CACNA1D: variants seen among roughly 807,000 people sequenced by gnomAD.
CACNA1D encodes the protein voltage-dependent L-type calcium channel subunit alpha-1D.
A neutral mutation model predicts 257.1 loss-of-function variants in CACNA1D; 55 were observed. The observed-to-expected ratio is 0.21, with a 90% CI of 0.17 to 0.27. The LOEUF is 0.27. CACNA1D is among the 10% of genes least tolerant of loss of function. The pLI, the probability that CACNA1D is intolerant of heterozygous loss-of-function variation, is 1.00. For missense variants in CACNA1D, 1,876 were observed against 2,784.0 expected (o/e 0.67, Z 7.34); for synonymous variants, 980 against 1,014.9 (o/e 0.97, Z 0.65).
chr3:53,520,094 T>A (rs1308984439), intron 3 of CACNA1D, among the ~76,000 whole-genome samples: 1 of 152,250 alleles, frequency 6.6e-6, no homozygotes, highest in Admixed American at 6.5e-5. Flanking sequence ...TTATGAATAA[T>A]GTTGCTGTGA....
At chr3:53,700,170 G>A (rs2094609940) in intron 8 of CACNA1D, among the ~76,000 whole-genome samples, 1 of 150,740 alleles carries the variant, frequency 6.6e-6, no homozygotes, top group South Asian at 2.1e-4. Context: ...ATGTCCTTAA[G>A]CTTCTCAGGG....
intron 40 of CACNA1D, among the ~76,000 whole-genome samples, chr3:53,787,724 C>T (rs1354163008): frequency 6.6e-6 from 1 of 151,858 alleles, no homozygotes; most frequent in African/African-American, 2.4e-5. Flanking sequence ...AAGGAAGGCA[C>T]CATGAGGACC....
intron 3 of CACNA1D, among the ~76,000 whole-genome samples, chr3:53,549,143 C>T (rs1407525703): frequency 1.3e-5 from 2 of 152,168 alleles, no homozygotes; most frequent in Non-Finnish European, 2.9e-5. Context: ...ATGCAGATGC[C>T]ATCTTCTCAC....
At chr3:53,556,730 T>G (rs960347132) in intron 3 of CACNA1D, among the ~76,000 whole-genome samples, 1 of 152,022 alleles carries the variant, frequency 6.6e-6, no homozygotes, top group African/African-American at 2.4e-5. Flanking sequence ...TTTTAATTTT[T>G]TTTTGAGACA....
chr3:53,781,860 AAGG>A (rs1329458028), intron 39 of CACNA1D, 193 bp downstream of exon 39: 2 of 606,530 alleles, frequency 3.3e-6, no homozygotes, highest in Non-Finnish European at 5.9e-6. Flanking sequence ...ATTCCAGACA[AAGG>A]AGAGGCTTCA....
At chr3:53,716,493 AGC>A (rs1248173293) in intron 9 of CACNA1D, among the ~76,000 whole-genome samples, 1 of 151,962 alleles carries the variant, frequency 6.6e-6, no homozygotes, top group Non-Finnish European at 1.5e-5. Flanking sequence ...TTGCATGAGT[AGC>A]TTCTTGTGTG....
At chr3:53,502,369 C>T (rs2090642404) in intron 3 of CACNA1D, among the ~76,000 whole-genome samples, 2 of 152,008 alleles carry the variant, frequency 1.3e-5, no homozygotes, top group African/African-American at 4.8e-5. Flanking sequence ...TGCACATTAG[C>T]TTAGTAAAAG....
At chr3:53,502,859 T>C (rs1447146649) in intron 3 of CACNA1D, among the ~76,000 whole-genome samples, 1 of 152,218 alleles carries the variant, frequency 6.6e-6, no homozygotes. Flanking sequence ...GAGCCCATTC[T>C]GGATAACAGG....
intron 27 of CACNA1D, 89 bp downstream of exon 27, chr3:53,749,558 G>C (rs1351580492): frequency 1.1e-6 from 1 of 912,954 alleles, no homozygotes; most frequent in African/African-American, 1.6e-5. Flanking sequence ...ACCCAGAGAA[G>C]GGCACCCACA....
rs1012939161 is a variant in CACNA1D, at chr3:53,793,556, C to T, written c.4923+6604C>T. 3.3e-5 allele frequency among the ~76,000 whole-genome samples: 5 copies of T among 152,196 alleles called. No individual in the cohort carries two copies. Among genetic ancestry groups the T allele is most frequent in the Admixed American group, 6.5e-5 (1 of 15,284 alleles). On this transcript the variant is annotated intron_variant, in intron 40 of 47. Coordinates refer to ENST00000350061, the MANE Select transcript of CACNA1D (RefSeq NM_001128840.3). The surrounding 1 kb of genome is among the most constrained non-coding windows in gnomAD (Gnocchi z 4.1). The stretch of plus-strand genomic sequence containing the variant: ...GCGGCGTTTCCATGTGCCTTCTCCA[C>T]GCTCCTCAAATAAGTAAAAACTGAC...
intron 3 of CACNA1D, among the ~76,000 whole-genome samples, chr3:53,634,666 A>C (rs183346075): frequency 2.8e-4 from 42 of 152,308 alleles, no homozygotes; most frequent in African/African-American, 9.6e-4. Flanking sequence ...TCTGTGTAAC[A>C]TTCACAACAC....
chr3:53,780,869 G>A (rs969870900), intron 38 of CACNA1D, among the ~76,000 whole-genome samples: 4 of 152,200 alleles, frequency 2.6e-5, no homozygotes, highest in African/African-American at 9.6e-5. Context: ...GGAGGAGAGG[G>A]AAGAGGAGGC....
intron 3 of CACNA1D, among the ~76,000 whole-genome samples, chr3:53,599,298 A>G (rs6445589): frequency 0.011 from 1,614 of 152,284 alleles, 42 homozygotes; most frequent in African/African-American, 0.036. Flanking sequence ...TCTTTTAACC[A>G]CTATAAACCA....
intron 7 of CACNA1D, among the ~76,000 whole-genome samples, chr3:53,667,511 T>C (rs973366398): frequency 1.3e-5 from 2 of 152,316 alleles, no homozygotes; most frequent in East Asian, 1.9e-4. Flanking sequence ...ATCAGCAGCT[T>C]TTAGACAGAA....
chr3:53,501,271 C>T (rs1393529940), intron 2 of CACNA1D, among the ~76,000 whole-genome samples: 1 of 152,206 alleles, frequency 6.6e-6, no homozygotes, highest in South Asian at 2.1e-4. Context: ...AGGCTCTTGT[C>T]ACTTTTAAAC....
chr3:53,600,286 C>T (rs776174080), intron 3 of CACNA1D, among the ~76,000 whole-genome samples: 24 of 152,194 alleles, frequency 1.6e-4, no homozygotes, highest in Non-Finnish European at 1.2e-4. Flanking sequence ...TCAATTGATA[C>T]GGATGAAGTA....
At chr3:53,688,299 G>A (rs564273398) in intron 8 of CACNA1D, among the ~76,000 whole-genome samples, 1 of 152,318 alleles carries the variant, frequency 6.6e-6, no homozygotes, top group South Asian at 2.1e-4. Flanking sequence ...GGGATTACTG[G>A]TTTCTCTGTT....
chr3:53,571,850 T>A (rs1272148197), intron 3 of CACNA1D, among the ~76,000 whole-genome samples: 2 of 152,198 alleles, frequency 1.3e-5, no homozygotes, highest in Non-Finnish European at 2.9e-5. Flanking sequence ...CTGTTCTGCT[T>A]CGGTAGGACA....
At chr3:53,578,570 G>A (rs1434150472) in intron 3 of CACNA1D, among the ~76,000 whole-genome samples, 1 of 152,166 alleles carries the variant, frequency 6.6e-6, no homozygotes, top group East Asian at 1.9e-4. Context: ...ATGGGATGGT[G>A]AGGATGAATC....
Sources: allele counts gnomAD v4.1 joint callset (sites outside exome capture counted in the v4.1 genomes callset), GRCh38; gene constraint gnomAD v4.1.1; non-coding constraint Gnocchi (gnomAD v3.1); transcripts MANE v1.5; gene names NCBI Gene and HGNC (gene_info 2026-07-23, HGNC 2026-07-21).